THADA: variants seen among roughly 807,000 people sequenced by gnomAD.
The protein encoded by THADA is tRNA (32-2'-O)-methyltransferase regulator THADA.
THADA carries 213 observed loss-of-function variants against 219.8 expected under a neutral mutation model. The observed-to-expected ratio is 0.97, with a 90% CI of 0.87 to 1.09. The LOEUF (loss-of-function observed/expected upper bound fraction) is 1.09, where lower values mean the gene tolerates loss of function less well. Ranked by LOEUF, THADA falls within the 50% of genes least tolerant of loss-of-function variation. The pLI, the probability that THADA is intolerant of heterozygous loss-of-function variation, is 0.00. For synonymous variants in THADA, 1,018 were observed against 828.9 expected, an observed-to-expected ratio of 1.23 and a Z score of -3.92; for missense variants, 2,956 against 2,311.3, an observed-to-expected ratio of 1.28 and a Z score of -5.72.
chr2:43,412,703 C>T (rs987517416), intron 28 of THADA, among the ~76,000 whole-genome samples: 1 of 152,176 alleles, frequency 6.6e-6, no homozygotes, highest in African/African-American at 2.4e-5. Context: ...ACACACCTTC[C>T]ACACCAGACT....
In THADA at chr2:43,345,803, G is replaced by A. The variant is rs185364960; in HGVS notation, c.4228-1566C>T. Among the ~76,000 whole-genome samples the A allele has an allele frequency of 5.9e-5, 9 of 152,200 alleles. No individual in the cohort carries two copies. In the East Asian group the frequency reaches 7.7e-4, roughly 13 times the overall value. On this transcript the variant is annotated intron_variant, in intron 29 of 37. Coordinates refer to ENST00000405975, the MANE Select transcript of THADA (RefSeq NM_022065.5). ...AGACACCAGCAAAATGCATGACTTC[G>A]GAATTTACTTGTAAAGAAACCTGTG... is the stretch of plus-strand genomic sequence containing the variant.
At position 43,286,917 on chromosome 2, in the gene THADA, G is replaced by T; in HGVS notation, c.5155C>A (p.Pro1719Thr). The change falls in exon 35 of 38, where the codon CCT becomes ACT. Residue 1719 changes from proline to threonine, a missense_variant. Coordinates refer to ENST00000405975, the MANE Select transcript of THADA (RefSeq NM_022065.5). ...TTPLFLTNPH[P>T]ILELQDTLAL... ...GTCTCGGCGCACTTACCAAGAATAG[G>T]ATGGGGGTTGGTGAGGAAAAGTGGT... 6.2e-7 allele frequency: 1 copy of T among 1,612,354 alleles called. No individual in the cohort carries two copies. Among genetic ancestry groups the T allele is most frequent in the Non-Finnish European group, 8.5e-7 (1 of 1,178,498 alleles).
chr2:43,255,072 G>A (rs908864694), intron 36 of THADA, among the ~76,000 whole-genome samples: 1 of 152,168 alleles, frequency 6.6e-6, no homozygotes, highest in African/African-American at 2.4e-5. Flanking sequence ...GGGAAATTCT[G>A]GGTTAAACAA....
intron 31 of THADA, among the ~76,000 whole-genome samples, chr2:43,294,041 G>C (rs909197764): frequency 6.6e-6 from 1 of 152,130 alleles, no homozygotes; most frequent in African/African-American, 2.4e-5. Context: ...GTCTACTGAT[G>C]GTGGTGAGTC....
At chr2:43,592,568 C>G (rs1701688975) in intron 1 of THADA, 152 bp from the exon 2 acceptor site, 1 of 494,456 alleles carries the variant, frequency 2.0e-6, no homozygotes, top group Non-Finnish European at 3.5e-6. Flanking sequence ...CAGTGGCACC[C>G]TCCTCCCTCC....
chr2:43,380,405 T>C (rs1179390243), intron 29 of THADA, among the ~76,000 whole-genome samples: 2 of 152,098 alleles, frequency 1.3e-5, no homozygotes, highest in African/African-American at 4.8e-5. Flanking sequence ...AGGAAATAAA[T>C]AAATGAGTAG....
In THADA at chr2:43,577,087, G is replaced by A. The variant is rs533875314; in HGVS notation, c.972C>T (p.Ser324=). Residue 324 remains serine (S), a synonymous_variant, in exon 10 of 38, where the codon AGC becomes AGT. Coordinates refer to ENST00000405975, the MANE Select transcript of THADA (RefSeq NM_022065.5). ...GCAGGGCCTCCCCACTCCGACCCAT[G>A]CTTCCGTTCTGCCAGTCCAACATGG... The part of the protein sequence containing the change: ...TLAMLDWQNG[S]MGRSGEALLL... The A allele has an allele frequency of 1.2e-6, 2 of 1,613,530 alleles. No individual in the cohort carries two copies. Among genetic ancestry groups the A allele is most frequent in the Admixed American group, 3.3e-5 (2 of 59,938 alleles).
At chr2:43,377,915 C>T (rs922174153) in intron 29 of THADA, among the ~76,000 whole-genome samples, 7 of 152,136 alleles carry the variant, frequency 4.6e-5, no homozygotes, top group Non-Finnish European at 1.0e-4. Context: ...ATTCACATTC[C>T]AGGAACTACA....
intron 21 of THADA, among the ~76,000 whole-genome samples, chr2:43,536,982 G>C (rs779540607): frequency 6.6e-6 from 1 of 152,086 alleles, no homozygotes; most frequent in Non-Finnish European, 1.5e-5. Flanking sequence ...TAATCCCTAA[G>C]CCTTAATTTG....
chr2:43,302,901 C>G (rs1676427448), intron 31 of THADA, among the ~76,000 whole-genome samples: 1 of 151,888 alleles, frequency 6.6e-6, no homozygotes, highest in South Asian at 2.1e-4. Flanking sequence ...GCACTTCAGC[C>G]TGGGCAACAT....
At chr2:43,570,155 G>A (rs1048240922) in intron 14 of THADA, among the ~76,000 whole-genome samples, 2 of 152,150 alleles carry the variant, frequency 1.3e-5, no homozygotes, top group African/African-American at 4.8e-5. Flanking sequence ...AAGTGATTGA[G>A]GTTAGCCCAC....
intron 28 of THADA, among the ~76,000 whole-genome samples, chr2:43,400,478 A>T (rs66881543): frequency 0.039 from 4,423 of 114,528 alleles, 161 homozygotes; most frequent in Middle Eastern, 0.057. Context: ...TATATATATA[A>T]ATATATACAC....
At chr2:43,437,759 T>A (rs1029325914) in intron 26 of THADA, among the ~76,000 whole-genome samples, 1 of 152,132 alleles carries the variant, frequency 6.6e-6, no homozygotes, top group African/African-American at 2.4e-5. Flanking sequence ...ATGAACAGCA[T>A]TGGAAGATAT....
rs187052351 is a variant in THADA, at chr2:43,586,990, G to A, written c.315C>T (p.Ser105=). The A allele has an allele frequency of 6.2e-7, 1 of 1,612,996 alleles. No individual in the cohort carries two copies. Among genetic ancestry groups the A allele is most frequent in the Non-Finnish European group, 8.5e-7 (1 of 1,179,486 alleles). ...CCTCAGGTAGAAAAAAATCAGGCAG[G>A]CTATTTAGTGAGCTAGAAAAAGAAA... is the stretch of plus-strand genomic sequence containing the variant. ...LKKVLASSLN[S]LPDFFLPEAM... is the part of the protein sequence containing the mutation. The change falls in exon 5 of 38, where the codon AGC becomes AGT. Residue 105 remains serine, a synonymous_variant. Transcript: ENST00000405975.
At chr2:43,240,932 G>A (rs977519809) in intron 36 of THADA, among the ~76,000 whole-genome samples, 3 of 152,176 alleles carry the variant, frequency 2.0e-5, no homozygotes, top group Non-Finnish European at 4.4e-5. Context: ...TGCCAGGGCC[G>A]GGTGCAGCAC....
intron 29 of THADA, among the ~76,000 whole-genome samples, chr2:43,358,729 A>AG (rs990410260): frequency 4.6e-5 from 7 of 152,294 alleles, no homozygotes; most frequent in African/African-American, 1.7e-4. Flanking sequence ...CTGTACCTAA[A>AG]GGCCCCAAAA....
rs533815222 is a variant in THADA at position 43,381,615 on chromosome 2, C to T, written c.4227+16356G>A. Among the ~76,000 whole-genome samples the T allele has an allele frequency of 4.6e-5, 7 of 150,596 alleles. No individual in the cohort carries two copies. In the South Asian group the frequency reaches 1.5e-3, roughly 32 times the overall value. ...TTTTTTTTTCCGACGGAGTCTCACT[C>T]TGTCCCCCAGGCTGGATTGCAGTGG... On this transcript the variant is annotated intron_variant, in intron 29 of 37. Coordinates refer to ENST00000405975, the MANE Select transcript of THADA (RefSeq NM_022065.5).
intron 29 of THADA, among the ~76,000 whole-genome samples, chr2:43,382,661 A>T (rs72879259): frequency 1.1e-3 from 164 of 152,358 alleles, no homozygotes; most frequent in African/African-American, 3.8e-3. Flanking sequence ...AAAGCATAAC[A>T]ATCATAAAGA....
At chr2:43,249,774 C>T (rs1669626437) in intron 36 of THADA, among the ~76,000 whole-genome samples, 2 of 152,174 alleles carry the variant, frequency 1.3e-5, no homozygotes, top group African/African-American at 4.8e-5. Flanking sequence ...TGAATCTTCT[C>T]AGTACCCCAT....
Sources: gnomAD v4.1 joint callset for allele counts (sites outside exome capture counted in the v4.1 genomes callset) on GRCh38, gnomAD v4.1.1 for gene constraint, MANE v1.5 for transcripts, NCBI Gene and HGNC (gene_info 2026-07-23, HGNC 2026-07-21) for gene names.